UNC5C: variants seen among roughly 807,000 people sequenced by gnomAD.
The protein encoded by UNC5C is netrin receptor UNC5C.
Under a neutral mutation model 99.8 loss-of-function variants are expected in UNC5C, and 47 were observed. That is an observed-to-expected ratio of 0.47 (90% CI 0.37 to 0.60). The LOEUF is 0.60. Among genes scored for constraint, UNC5C ranks in the 20% least tolerant of loss-of-function variants. The pLI, the probability that UNC5C is intolerant of heterozygous loss-of-function variation, is 0.00. For missense variants in UNC5C, 1,062 were observed against 1,165.9 expected (o/e 0.91, Z 1.30); for synonymous variants, 487 against 452.2 (o/e 1.08, Z -0.98).
Position 95,219,138 on chromosome 4 carries a change from A to G in UNC5C, c.1476T>C (p.Asp492=). The change falls in exon 9 of 16, where the codon GAT becomes GAC. Residue 492 remains aspartate, a synonymous_variant. Transcript: ENST00000453304. ...YNTSGAVTPQ[D]DLSEFTSKLS... ...GCTTGGACGTAAACTCAGAGAGGTC[A>G]TCTTGGGGGGTGACAGCACCTGAGG... is the stretch of plus-strand genomic sequence containing the variant. 1 of 1,614,156 alleles carries G rather than the reference A, an allele frequency of 6.2e-7. No individual in the cohort carries two copies. The highest frequency in any genetic ancestry group is 8.5e-7 in the Non-Finnish European group (1 of 1,180,020).
chr4:95,276,980 T>C (rs1481956840), intron 4 of UNC5C, among the ~76,000 whole-genome samples: 1 of 152,160 alleles, frequency 6.6e-6, no homozygotes, highest in Non-Finnish European at 1.5e-5. Flanking sequence ...TTTCAATTAA[T>C]TATTATTATT....
At chr4:95,516,557 G>A (rs750978189) in intron 1 of UNC5C, among the ~76,000 whole-genome samples, 2 of 152,148 alleles carry the variant, frequency 1.3e-5, no homozygotes, top group African/African-American at 2.4e-5. Context: ...AGCTGGGGGC[G>A]GAGTGTGTGT....
At chr4:95,297,695 C>T (rs1249185839) in intron 3 of UNC5C, among the ~76,000 whole-genome samples, 1 of 152,206 alleles carries the variant, frequency 6.6e-6, no homozygotes, top group African/African-American at 2.4e-5. Context: ...GAAAGAAATC[C>T]TTGATAAGGC....
intron 12 of UNC5C, among the ~76,000 whole-genome samples, chr4:95,192,493 T>C (rs111216212): frequency 2.1e-5 from 2 of 97,280 alleles, no homozygotes; most frequent in Admixed American, 2.3e-4. Flanking sequence ...CCTCTTCCCC[T>C]TCTCACCTCT....
chr4:95,535,149 AC>A (rs1318893743), intron 1 of UNC5C, among the ~76,000 whole-genome samples: 15 of 152,158 alleles, frequency 9.9e-5, no homozygotes, highest in African/African-American at 3.6e-4. Context: ...AAAAGAAATC[AC>A]CTAAACTTGC....
chr4:95,501,234 TG>T (rs1355248394), intron 1 of UNC5C, among the ~76,000 whole-genome samples: 1 of 152,136 alleles, frequency 6.6e-6, no homozygotes, highest in Non-Finnish European at 1.5e-5. Flanking sequence ...GCTAGCCCTC[TG>T]TTCAGTGTGG....
chr4:95,398,285 ACTT>A (rs1187542343), intron 1 of UNC5C, among the ~76,000 whole-genome samples: 1 of 152,000 alleles, frequency 6.6e-6, no homozygotes, highest in Non-Finnish European at 1.5e-5. Context: ...AATTGAGTCT[ACTT>A]TTCATTTTAC....
intron 1 of UNC5C, among the ~76,000 whole-genome samples, chr4:95,497,733 A>G (rs1030402046): frequency 6.6e-6 from 1 of 152,066 alleles, no homozygotes; most frequent in Admixed American, 6.6e-5. Context: ...TTTGAGCAAT[A>G]TAATTATAAT....
intron 10 of UNC5C, among the ~76,000 whole-genome samples, chr4:95,211,627 C>CTT (rs1483607804): frequency 1.3e-5 from 2 of 152,156 alleles, no homozygotes; most frequent in Non-Finnish European, 2.9e-5. Context: ...ACATTCCCTT[C>CTT]TTGAAAGGCT....
intron 1 of UNC5C, among the ~76,000 whole-genome samples, chr4:95,474,598 A>G (rs546103199): frequency 6.6e-6 from 1 of 152,216 alleles, no homozygotes; most frequent in South Asian, 2.1e-4. Flanking sequence ...TATGGTACAT[A>G]TAATTTTAAA....
intron 7 of UNC5C, among the ~76,000 whole-genome samples, chr4:95,239,930 C>G (rs1393198240): frequency 6.6e-6 from 1 of 152,066 alleles, no homozygotes; most frequent in Non-Finnish European, 1.5e-5. Context: ...TACTAACATC[C>G]ATTATGAACT....
intron 1 of UNC5C, among the ~76,000 whole-genome samples, chr4:95,381,685 C>G (rs1330069478): frequency 6.6e-6 from 1 of 152,096 alleles, no homozygotes; most frequent in Non-Finnish European, 1.5e-5. Flanking sequence ...GAGTGCTTTA[C>G]TGTCAACAAT....
At chr4:95,498,267 C>T (rs1458940528) in intron 1 of UNC5C, among the ~76,000 whole-genome samples, 1 of 151,994 alleles carries the variant, frequency 6.6e-6, no homozygotes. Flanking sequence ...GCCCCATGCA[C>T]AACTTTGCTT....
chr4:95,194,575 G>T (rs916905713), intron 12 of UNC5C, among the ~76,000 whole-genome samples: 4 of 151,984 alleles, frequency 2.6e-5, no homozygotes, highest in African/African-American at 9.7e-5. Context: ...GTCCCCTTCC[G>T]CTGTCTTCAA....
chr4:95,359,554 C>G (rs1307042679), intron 1 of UNC5C, among the ~76,000 whole-genome samples: 10 of 150,398 alleles, frequency 6.6e-5, no homozygotes, highest in African/African-American at 2.4e-4. Context: ...ATAATATTAC[C>G]TTCTCATTTT....
At chr4:95,436,291 T>TA (rs1746790543) in intron 1 of UNC5C, among the ~76,000 whole-genome samples, 1 of 151,924 alleles carries the variant, frequency 6.6e-6, no homozygotes, top group African/African-American at 2.4e-5. Flanking sequence ...TACCCCTCTA[T>TA]TAAATAATAT....
At chr4:95,393,182 C>T (rs907066215) in intron 1 of UNC5C, among the ~76,000 whole-genome samples, 3 of 152,150 alleles carry the variant, frequency 2.0e-5, no homozygotes, top group Non-Finnish European at 4.4e-5. Context: ...AGATGGAGGA[C>T]TTAGATGGTT....
At chr4:95,388,172 T>A (rs1319093836) in intron 1 of UNC5C, among the ~76,000 whole-genome samples, 2 of 152,040 alleles carry the variant, frequency 1.3e-5, no homozygotes, top group African/African-American at 2.4e-5. Flanking sequence ...CCACCAACAA[T>A]AATAGGACAG....
At chr4:95,258,476 A>G (rs929276522) in intron 4 of UNC5C, among the ~76,000 whole-genome samples, 2 of 152,206 alleles carry the variant, frequency 1.3e-5, no homozygotes, top group African/African-American at 2.4e-5. Context: ...AAAACAATAA[A>G]AGACTTCAAC....
Sources: gnomAD v4.1 joint callset for allele counts (sites outside exome capture counted in the v4.1 genomes callset) on GRCh38, gnomAD v4.1.1 for gene constraint, MANE v1.5 for transcripts, NCBI Gene and HGNC (gene_info 2026-07-23, HGNC 2026-07-21) for gene names.